The following ASIC2 variants were observed in gnomAD, a reference collection of about 807,000 sequenced individuals.
ASIC2 encodes acid sensing ion channel subunit 2.
Under a neutral mutation model 57.3 loss-of-function variants are expected in ASIC2, and 25 were observed. The ratio of observed to expected loss-of-function variants is 0.44; its 90% CI spans 0.32 to 0.61. The LOEUF is 0.61. Ranked by LOEUF, ASIC2 falls within the 20% of genes least tolerant of loss-of-function variation. ASIC2 has a pLI of 0.06. For synonymous variants in ASIC2, 319 were observed against 307.5 expected, an observed-to-expected ratio of 1.04 and a Z score of -0.39; for missense variants, 641 against 738.1, an observed-to-expected ratio of 0.87 and a Z score of 1.52.
chr17:33,346,924 G>A (rs1907971668), intron 1 of ASIC2, among the ~76,000 whole-genome samples: 1 of 152,132 alleles, frequency 6.6e-6, no homozygotes, highest in East Asian at 1.9e-4. Context: ...GCAATAGGAG[G>A]GGGAAATGTG....
chr17:33,691,964 G>A (rs1908385551), intron 1 of ASIC2, among the ~76,000 whole-genome samples: 1 of 152,112 alleles, frequency 6.6e-6, no homozygotes, highest in Non-Finnish European at 1.5e-5. Context: ...AGATGGTATA[G>A]CCCACTGCAC....
intron 1 of ASIC2, among the ~76,000 whole-genome samples, chr17:33,625,072 C>T (rs542459573): frequency 2.2e-4 from 33 of 152,188 alleles, no homozygotes; most frequent in Non-Finnish European, 4.0e-4. Flanking sequence ...TAGAATACAA[C>T]AGAAAAGGTG....
exon 1 of ASIC2, chr17:34,155,983 T>G (rs1567618640): frequency 6.2e-7 from 1 of 1,604,522 alleles, no homozygotes; most frequent in Non-Finnish European, 8.5e-7. Flanking sequence ...CTCACTGTGG[T>G]GAAGTCTTGG....
rs765029008 is a variant in ASIC2, at chr17:33,662,057, T to G, written c.555+493921A>C. ...AGAAATAATACTTCCTACTATGCAT[T>G]ATGTCAGAGCAAGGATCTTCTATGT... On this transcript the variant is annotated intron_variant, in intron 1 of 9. Transcript: ENST00000359872. 1.3e-5 allele frequency among the ~76,000 whole-genome samples: 2 copies of G among 152,152 alleles called. 1 individual carries two copies. The highest frequency in any genetic ancestry group is 2.9e-5 in the Non-Finnish European group (2 of 68,028).
chr17:33,645,241 G>T (rs2142036025), intron 1 of ASIC2, among the ~76,000 whole-genome samples: 1 of 152,250 alleles, frequency 6.6e-6, no homozygotes, highest in Non-Finnish European at 1.5e-5. Flanking sequence ...ATGAATCCCT[G>T]GGCTCCTAAT....
At chr17:33,348,910 C>T (rs1567831113) in intron 1 of ASIC2, among the ~76,000 whole-genome samples, 1 of 152,154 alleles carries the variant, frequency 6.6e-6, no homozygotes, top group Non-Finnish European at 1.5e-5. Flanking sequence ...GCAGGCTGGG[C>T]CACGACTGTG....
chr17:33,028,551 T>C lies in ASIC2; in HGVS notation c.988-159A>G, dbSNP rs539382269. ...CAATACTAGTTTTCTTACCTTACTT[T>C]AATTTTTTCTTTTTTCTTAGAGACA... On this transcript the variant is annotated intron_variant, in intron 3 of 9. Coordinates refer to ENST00000225823, the MANE Select transcript of ASIC2 (RefSeq NM_183377.2). Among the ~76,000 whole-genome samples, 4 of 152,300 alleles carry C rather than the reference T, an allele frequency of 2.6e-5. No individual in the cohort carries two copies. In the South Asian group the frequency reaches 6.2e-4, roughly 24 times the overall value.
At chr17:33,958,102 T>C (rs943007491) in intron 1 of ASIC2, among the ~76,000 whole-genome samples, 4 of 152,250 alleles carry the variant, frequency 2.6e-5, no homozygotes, top group African/African-American at 9.6e-5. Context: ...GGTTATGCTG[T>C]TGCAAGAAGT....
chr17:33,683,044 G>C (rs1169749280), intron 1 of ASIC2, among the ~76,000 whole-genome samples: 1 of 152,216 alleles, frequency 6.6e-6, no homozygotes. Flanking sequence ...ATAGAGGCTA[G>C]AAGTTTGAGA....
intron 2 of ASIC2, among the ~76,000 whole-genome samples, chr17:33,108,363 G>A (rs555428588): frequency 6.6e-6 from 1 of 152,310 alleles, no homozygotes; most frequent in East Asian, 1.9e-4. Context: ...TTCCTCTGGG[G>A]ATTGAGAGGT....
Position 33,708,419 on chromosome 17 carries a change from C to T in ASIC2, c.555+447559G>A, listed in dbSNP as rs577011029. The stretch of plus-strand genomic sequence containing the variant: ...CCTTCTTGATCTTCGTCTTCATAAG[C>T]GCATGCTTTTAACAAAATCTTTTTA... On this transcript the variant is annotated intron_variant, in intron 1 of 9. Transcript: ENST00000359872. 2.5e-4 allele frequency among the ~76,000 whole-genome samples: 38 copies of T among 152,252 alleles called. 1 individual carries two copies. The highest frequency in any genetic ancestry group is 1.8e-3 in the Admixed American group (28 of 15,300).
chr17:33,841,722 G>A (rs964128097), intron 1 of ASIC2, among the ~76,000 whole-genome samples: 2 of 152,172 alleles, frequency 1.3e-5, no homozygotes, highest in South Asian at 2.1e-4. Context: ...CTGAGTGGTC[G>A]TTATGGGTAT....
At chr17:33,074,603 C>A (rs1273638551) in intron 3 of ASIC2, among the ~76,000 whole-genome samples, 1 of 152,190 alleles carries the variant, frequency 6.6e-6, no homozygotes, top group Non-Finnish European at 1.5e-5. Context: ...AGAATAAAAG[C>A]AGAACACCTG....
chr17:33,025,190 TAAA>T (rs1228070323), intron 5 of ASIC2, among the ~76,000 whole-genome samples: 1 of 152,130 alleles, frequency 6.6e-6, no homozygotes, highest in African/African-American at 2.4e-5. Context: ...GCACATTGTT[TAAA>T]AAGTCTGCTT....
chr17:33,799,866 C>T lies in ASIC2; in HGVS notation c.555+356112G>A, dbSNP rs564061563. On this transcript the variant is annotated intron_variant, in intron 1 of 9. Transcript: ENST00000359872. ...AAGGTTGGGCAGTATACAACCTGCA[C>T]GGCCAACCACTGCAGACTATCTGGG... is the stretch of plus-strand genomic sequence containing the variant. Among the ~76,000 whole-genome samples, 46 of 152,246 alleles carry T rather than the reference C, an allele frequency of 3.0e-4. No individual in the cohort carries two copies. In the Middle Eastern group the frequency reaches 0.014, roughly 45 times the overall value.
chr17:33,431,253 C>A (rs1911407476), intron 1 of ASIC2, among the ~76,000 whole-genome samples: 1 of 152,170 alleles, frequency 6.6e-6, no homozygotes, highest in African/African-American at 2.4e-5. Context: ...CCAGAGTCCA[C>A]ATACTGATGA....
chr17:33,616,461 G>A (rs1905607928), intron 1 of ASIC2, among the ~76,000 whole-genome samples: 1 of 152,194 alleles, frequency 6.6e-6, no homozygotes, highest in South Asian at 2.1e-4. Context: ...CCTCTTTAAT[G>A]TGAATTCTGA....
At chr17:34,039,615 A>G (rs910683020) in intron 1 of ASIC2, 15 of 1,613,544 alleles carry the variant, frequency 9.3e-6, no homozygotes, top group Non-Finnish European at 1.3e-5. Context: ...ACTCAAAGTA[A>G]TCACTAATTT....
intron 1 of ASIC2, among the ~76,000 whole-genome samples, chr17:34,105,711 CCT>C (rs1016681824): frequency 5.7e-4 from 87 of 151,872 alleles, no homozygotes; most frequent in Admixed American, 7.9e-4. Flanking sequence ...TACAGATTCA[CCT>C]CTGTTAATAT....
Sources: allele counts gnomAD v4.1 joint callset (sites outside exome capture counted in the v4.1 genomes callset), GRCh38; gene constraint gnomAD v4.1.1; transcripts MANE v1.5; gene names NCBI Gene and HGNC (gene_info 2026-07-23, HGNC 2026-07-21).